Variants in KLF12 observed in about 807,000 individuals in gnomAD.
KLF12 encodes the protein KLF transcription factor 12.
KLF12 carries 9 observed loss-of-function variants against 37.8 expected under a neutral mutation model. The ratio of observed to expected loss-of-function variants is 0.24; its 90% CI spans 0.14 to 0.42. The LOEUF is 0.42. Among genes scored for constraint, KLF12 ranks in the 10% least tolerant of loss-of-function variants. The pLI is 1.00. For synonymous variants in KLF12, 208 were observed against 202.1 expected (o/e 1.03, Z -0.25); for missense variants, 411 against 516.0 (o/e 0.80, Z 1.97).
chr13:73,757,031 C>A (rs906130582), intron 6 of KLF12, among the ~76,000 whole-genome samples: 2 of 152,112 alleles, frequency 1.3e-5, no homozygotes, highest in African/African-American at 4.8e-5. Flanking sequence ...ACAAAAGAAC[C>A]CCATCTATAC....
the KLF12 span, among the ~76,000 whole-genome samples, chr13:74,162,814 A>G: frequency 6.6e-5 from 10 of 152,354 alleles, no homozygotes; most frequent in Non-Finnish European, 1.2e-4. Context: ...GATATGGAAT[A>G]AAACAATAAA....
intron 3 of KLF12, among the ~76,000 whole-genome samples, chr13:73,911,719 T>C (rs1372065982): frequency 6.6e-6 from 1 of 152,196 alleles, no homozygotes; most frequent in African/African-American, 2.4e-5. Context: ...ATGTCAGAAG[T>C]TATAGAAATA....
At chr13:73,774,104 C>A (rs1379124894) in intron 5 of KLF12, among the ~76,000 whole-genome samples, 1 of 152,038 alleles carries the variant, frequency 6.6e-6, no homozygotes, top group East Asian at 1.9e-4. Flanking sequence ...TAGTACCAGG[C>A]CGTATGTCCA....
At chr13:74,204,907 A>G in the KLF12 span, among the ~76,000 whole-genome samples, 2 of 152,154 alleles carry the variant, frequency 1.3e-5, no homozygotes, top group East Asian at 3.8e-4. Flanking sequence ...CAAATGTCAG[A>G]TCTCAAGACT....
chr13:74,097,258 G>A (rs1876033956), intron 1 of KLF12, among the ~76,000 whole-genome samples: 1 of 152,126 alleles, frequency 6.6e-6, no homozygotes, highest in South Asian at 2.1e-4. Flanking sequence ...GGGTTACAAA[G>A]GGACATGGCA....
the KLF12 span, among the ~76,000 whole-genome samples, chr13:74,263,595 G>A: frequency 6.6e-6 from 1 of 152,116 alleles, no homozygotes; most frequent in Non-Finnish European, 1.5e-5. Flanking sequence ...CTCATTCAGA[G>A]CAAGCTAATG....
intron 2 of KLF12, among the ~76,000 whole-genome samples, chr13:73,984,798 T>G (rs1037075945): frequency 7.9e-5 from 12 of 152,204 alleles, no homozygotes; most frequent in African/African-American, 2.2e-4. Context: ...TACGGATTCC[T>G]CCAGTTTGAA....
intron 2 of KLF12, chr13:73,961,866 G>A (rs1214086501): frequency 2.6e-6 from 1 of 380,744 alleles, no homozygotes; most frequent in South Asian, 2.0e-5. Flanking sequence ...GGAGGATGTG[G>A]AGCAACAGGA....
At chr13:73,910,774 G>T (rs537592245) in intron 3 of KLF12, among the ~76,000 whole-genome samples, 2 of 152,280 alleles carry the variant, frequency 1.3e-5, no homozygotes, top group East Asian at 3.9e-4. Context: ...CAATGTGGCT[G>T]TATTGAGAGG....
intron 1 of KLF12, among the ~76,000 whole-genome samples, chr13:74,029,167 G>C (rs1188642717): frequency 6.6e-6 from 1 of 152,026 alleles, no homozygotes; most frequent in Non-Finnish European, 1.5e-5. Context: ...GACCAACCAA[G>C]TACCGATCCT....
chr13:74,181,845 T>G, the KLF12 span, among the ~76,000 whole-genome samples: 12 of 152,156 alleles, frequency 7.9e-5, no homozygotes, highest in Non-Finnish European at 1.6e-4. Flanking sequence ...ATTTTGAATA[T>G]GAATTTGGTA....
intron 4 of KLF12, among the ~76,000 whole-genome samples, chr13:73,825,455 T>C (rs986781905): frequency 6.6e-6 from 1 of 152,140 alleles, no homozygotes; most frequent in African/African-American, 2.4e-5. Flanking sequence ...CAAGAGAGCA[T>C]AGGAGGTACA....
chr13:73,869,466 C>T (rs1156346804), intron 3 of KLF12, among the ~76,000 whole-genome samples: 1 of 152,024 alleles, frequency 6.6e-6, no homozygotes, highest in Non-Finnish European at 1.5e-5. Context: ...TTTAATAATA[C>T]ATTGTAAATT....
rs1566301023 is a variant in KLF12, at chr13:73,694,613, G to C, written c.*877C>G. ...GTGTCTAAGAAAGTTTTTTTCCCCT[G>C]GTTCCTTGTAATCAAATACTAGGGG... On this transcript the variant is annotated 3_prime_UTR_variant, in exon 8 of 8. Coordinates refer to ENST00000377669, the MANE Select transcript of KLF12 (RefSeq NM_007249.5). 1 of 152,678 alleles carries C rather than the reference G, an allele frequency of 6.5e-6. No individual in the cohort carries two copies. Among genetic ancestry groups the C allele is most frequent in the African/African-American group, 2.4e-5 (1 of 41,524 alleles). 9.5% of individuals were successfully genotyped at this position (152,678 alleles called of 1,614,324 possible).
chr13:73,758,771 A>G (rs1283095287), intron 6 of KLF12, among the ~76,000 whole-genome samples: 2 of 152,160 alleles, frequency 1.3e-5, no homozygotes, highest in African/African-American at 4.8e-5. Flanking sequence ...CCCTTATATC[A>G]TCTTTACTGT....
At chr13:73,819,977 T>C (rs940032491) in intron 4 of KLF12, among the ~76,000 whole-genome samples, 25 of 152,074 alleles carry the variant, frequency 1.6e-4, no homozygotes, top group African/African-American at 6.0e-4. Context: ...GGGAACTGGA[T>C]GAGGACAGAG....
chr13:73,990,721 T>C (rs575164073), intron 2 of KLF12, among the ~76,000 whole-genome samples: 3 of 152,296 alleles, frequency 2.0e-5, no homozygotes, highest in South Asian at 2.1e-4. Context: ...AATTAACTGT[T>C]AATAATATCA....
At chr13:73,976,811 TA>T (rs945229613) in intron 2 of KLF12, among the ~76,000 whole-genome samples, 4 of 152,160 alleles carry the variant, frequency 2.6e-5, no homozygotes, top group Non-Finnish European at 5.9e-5. Context: ...GGAGTAATTT[TA>T]AAAATTCTAA....
In KLF12 at chr13:74,030,057, T is replaced by G. The variant is rs564435142; in HGVS notation, c.-31-35004A>C. ...GATCATTTCATAGCACATTAAAAAA[T>G]TTTTAAGTGACTATTTGTCTTGAAT... On this transcript the variant is annotated intron_variant, in intron 1 of 7. Coordinates refer to ENST00000377669, the MANE Select transcript of KLF12 (RefSeq NM_007249.5). 4.6e-5 allele frequency among the ~76,000 whole-genome samples: 7 copies of G among 152,104 alleles called. No homozygotes were observed. The East Asian group carries it at 1.2e-3, about 25-fold the overall frequency.
Sources: gnomAD v4.1 joint callset for allele counts (sites outside exome capture counted in the v4.1 genomes callset) on GRCh38, gnomAD v4.1.1 for gene constraint, MANE v1.5 for transcripts, NCBI Gene and HGNC (gene_info 2026-07-23, HGNC 2026-07-21) for gene names.